DOCK7: variants seen among roughly 807,000 people sequenced by gnomAD.
DOCK7 encodes dedicator of cytokinesis protein 7.
In DOCK7, 138 loss-of-function variants were observed where a neutral mutation model predicts 271.0. The observed-to-expected ratio is 0.51, with a 90% CI of 0.44 to 0.59. The LOEUF (loss-of-function observed/expected upper bound fraction) is 0.59, where lower values mean the gene tolerates loss of function less well. Ranked by LOEUF, DOCK7 falls within the 20% of genes least tolerant of loss-of-function variation. The pLI is 0.00. For missense variants in DOCK7, 2,066 were observed against 2,592.4 expected (o/e 0.80, Z 4.41); for synonymous variants, 823 against 876.1 (o/e 0.94, Z 1.07).
intron 25 of DOCK7, among the ~76,000 whole-genome samples, chr1:62,541,172 G>A (rs1040705174): frequency 3.3e-4 from 50 of 151,962 alleles, no homozygotes; most frequent in Middle Eastern, 6.8e-3. Flanking sequence ...AGGTGAAGAA[G>A]ACGGTCCCAA....
At position 62,663,099 on chromosome 1, in the gene DOCK7, A is replaced by G; in HGVS notation, c.70T>C (p.Ser24Pro). 14 of 1,613,568 alleles carry G rather than the reference A, an allele frequency of 8.7e-6. No homozygotes were observed. Among genetic ancestry groups the G allele is most frequent in the Non-Finnish European group, 1.1e-5 (13 of 1,179,744 alleles). ...TGGGGAGAACCACTATATTGTCCGG[A>G]GATCTGCTTCCTAACTTCGGCTGCC... ...TVAAEVRKQI[S>P]GQYSGSPQLL... Residue 24 changes from serine (S) to proline (P), a missense_variant, in exon 2 of 50, where the codon TCC becomes CCC. Around this residue, in one of 2 missense-constraint regions of DOCK7, gnomAD observed 1,414 missense variants for 1,670.4 expected, o/e 0.85. Coordinates refer to ENST00000635253, the MANE Select transcript of DOCK7 (RefSeq NM_001367561.1).
rs893147395 is a variant in DOCK7 at position 62,458,826 on chromosome 1, C to G, written c.6213-1121G>C. ...GATTACAGGCGTGAGCCACCGTGCC[C>G]GGCTAAATGAATAGATTTTGATGAC... On this transcript the variant is annotated intron_variant, in intron 48 of 49. Coordinates refer to ENST00000635253, the MANE Select transcript of DOCK7 (RefSeq NM_001367561.1). 4 of 152,110 alleles carry G rather than the reference C, an allele frequency of 2.6e-5. No homozygotes were observed. In the East Asian group the frequency reaches 7.7e-4, roughly 29 times the overall value. 9.4% of individuals were successfully genotyped at this position (152,110 alleles called of 1,614,324 possible).
chr1:62,562,233 C>CT (rs59893499), intron 18 of DOCK7, among the ~76,000 whole-genome samples: 1 of 121,214 alleles, frequency 8.2e-6, no homozygotes, highest in Non-Finnish European at 1.7e-5. Flanking sequence ...GATCCAAAAA[C>CT]TTTTTTTTTT....
In DOCK7 at chr1:62,619,917, C is replaced by T. The variant is rs920931636; in HGVS notation, c.1502G>A (p.Arg501Gln). 4 of 1,611,452 alleles carry T rather than the reference C, an allele frequency of 2.5e-6. No individual in the cohort carries two copies. Among genetic ancestry groups the T allele is most frequent in the East Asian group, 2.2e-5 (1 of 44,812 alleles). ...TTAAATACCTGTAATAGGTCTTAGTCGCCGTAAGACAGAAGATGGCCTTCT... is the reference window on the plus strand; with the variant it reads ...TTAAATACCTGTAATAGGTCTTAGTTGCCGTAAGACAGAAGATGGCCTTCT... ...DMRRPSSVLR[R>Q]LRPITAQLKI... The change falls in exon 13 of 50, where the codon CGA becomes CAA. Residue 501 changes from arginine (R) to glutamine (Q), a missense_variant. Arg to Gln is a conservative substitution (Grantham distance 43). Around this residue, in one of 2 missense-constraint regions of DOCK7, gnomAD observed 1,414 missense variants for 1,670.4 expected, o/e 0.85. Coordinates refer to ENST00000635253, the MANE Select transcript of DOCK7 (RefSeq NM_001367561.1).
intron 19 of DOCK7, among the ~76,000 whole-genome samples, chr1:62,559,804 T>C (rs1455396229): frequency 6.6e-6 from 1 of 152,194 alleles, no homozygotes; most frequent in Non-Finnish European, 1.5e-5. Flanking sequence ...GGCTAATCAC[T>C]GGGAACTTGG....
chr1:62,532,646 A>C (rs1289116235), intron 29 of DOCK7, among the ~76,000 whole-genome samples: 1 of 152,158 alleles, frequency 6.6e-6, no homozygotes, highest in Non-Finnish European at 1.5e-5. Flanking sequence ...ATATGGCTGT[A>C]ATTTAGGTTA....
chr1:62,527,874 T>TTA (rs1553163057), intron 31 of DOCK7, among the ~76,000 whole-genome samples: 3 of 135,566 alleles, frequency 2.2e-5, no homozygotes, highest in African/African-American at 8.2e-5. Flanking sequence ...ACTTAAAGTA[T>TTA]AAAAAAAAAA....
At chr1:62,475,611 A>G in intron 46 of DOCK7, 96 bp downstream of exon 46, 1 of 1,220,226 alleles carries the variant, frequency 8.2e-7, no homozygotes, top group Non-Finnish European at 1.2e-6. Flanking sequence ...GTTATGGTAT[A>G]AGGGATGGTA....
chr1:62,531,653 T>C (rs1009757603), intron 29 of DOCK7, among the ~76,000 whole-genome samples: 33 of 152,192 alleles, frequency 2.2e-4, no homozygotes, highest in Non-Finnish European at 7.3e-5. Context: ...TAGAACATAT[T>C]ATTGCCACTT....
At chr1:62,687,966 G>C (rs1322389934) in intron 1 of DOCK7, among the ~76,000 whole-genome samples, 4 of 152,150 alleles carry the variant, frequency 2.6e-5, no homozygotes, top group Admixed American at 1.3e-4. Context: ...GGAGGAGGCG[G>C]GCGCGCTGGA....
At chr1:62,533,817 G>A (rs1163266309) in intron 29 of DOCK7, among the ~76,000 whole-genome samples, 1 of 151,982 alleles carries the variant, frequency 6.6e-6, no homozygotes, top group Non-Finnish European at 1.5e-5. Context: ...AAATATATCA[G>A]CAGAACCTTG....
intron 2 of DOCK7, among the ~76,000 whole-genome samples, chr1:62,660,419 A>G (rs1368172336): frequency 1.3e-5 from 2 of 152,234 alleles, no homozygotes; most frequent in African/African-American, 4.8e-5. Flanking sequence ...AACCAAAAGT[A>G]TAAGTGAGAT....
intron 35 of DOCK7, among the ~76,000 whole-genome samples, chr1:62,506,079 T>A (rs1646928018): frequency 6.6e-6 from 1 of 152,074 alleles, no homozygotes; most frequent in Admixed American, 6.5e-5. Flanking sequence ...TCATAAGGTG[T>A]GTTTTAGGAA....
intron 38 of DOCK7, 53 bp from the exon 39 acceptor site, chr1:62,495,734 T>TCA: frequency 7.2e-7 from 1 of 1,379,406 alleles, no homozygotes; most frequent in Non-Finnish European, 9.9e-7. Flanking sequence ...TCATCCATAA[T>TCA]CACCAAATTA....
intron 22 of DOCK7, among the ~76,000 whole-genome samples, chr1:62,550,910 G>A (rs550316468): frequency 2.6e-4 from 39 of 152,024 alleles, no homozygotes; most frequent in Non-Finnish European, 5.2e-4. Context: ...TAGTAGAGGC[G>A]AGGTTTCACC....
At chr1:62,678,600 C>T (rs1339104559) in intron 1 of DOCK7, among the ~76,000 whole-genome samples, 1 of 152,008 alleles carries the variant, frequency 6.6e-6, no homozygotes, top group Admixed American at 6.6e-5. Flanking sequence ...CAATGCAATC[C>T]CAATCAAATT....
intron 48 of DOCK7, among the ~76,000 whole-genome samples, chr1:62,459,911 A>AAT (rs770568849): frequency 1.3e-5 from 2 of 152,040 alleles, no homozygotes; most frequent in African/African-American, 2.4e-5. Context: ...CATTCTGGCT[A>AAT]ACAGTGAAAC....
intron 41 of DOCK7, chr1:62,492,408 C>T: frequency 3.4e-6 from 1 of 295,236 alleles, no homozygotes; most frequent in South Asian, 3.6e-5. Flanking sequence ...CCCACCTCAG[C>T]CTCTCAAGTA....
chr1:62,455,176 G>A lies in DOCK7; in HGVS notation c.*238C>T, dbSNP rs1645311181. On this transcript the variant is annotated 3_prime_UTR_variant, in exon 50 of 50. Transcript: ENST00000635253. Reference sequence around the variant, plus strand: ...TGGTATAAATAATGGTAAATGTATAGTGTACCTTTGAGTCATTAAAATGTC... The same window carrying A: ...TGGTATAAATAATGGTAAATGTATAATGTACCTTTGAGTCATTAAAATGTC... 1 of 623,470 alleles carries A rather than the reference G, an allele frequency of 1.6e-6. No individual in the cohort carries two copies. Among genetic ancestry groups the A allele is most frequent in the South Asian group, 1.9e-5 (1 of 51,810 alleles). 38.6% of individuals were successfully genotyped at this position (623,470 alleles called of 1,614,324 possible).
Sources: allele counts gnomAD v4.1 joint callset (sites outside exome capture counted in the v4.1 genomes callset), GRCh38; gene constraint gnomAD v4.1.1; regional missense constraint gnomAD v4.1.1; transcripts MANE v1.5; gene names NCBI Gene and HGNC (gene_info 2026-07-23, HGNC 2026-07-21).